A1CF: variants seen among roughly 807,000 people sequenced by gnomAD.
A1CF encodes the protein APOBEC1 complementation factor.
A1CF carries 48 observed loss-of-function variants against 68.9 expected under a neutral mutation model. That is an observed-to-expected ratio of 0.70 (90% CI 0.55 to 0.89). The LOEUF (loss-of-function observed/expected upper bound fraction) is 0.89. Ranked by LOEUF, A1CF falls within the 40% of genes least tolerant of loss-of-function variation. The probability of loss-of-function intolerance (pLI) is 0.00; values close to 1 mark genes in which losing one functional copy is unlikely to be tolerated. For synonymous variants in A1CF, 272 were observed against 260.4 expected (o/e 1.04, Z -0.43); for missense variants, 653 against 718.9 (o/e 0.91, Z 1.05).
chr10:50,829,261 A>G (rs1338466304), intron 6 of A1CF, among the ~76,000 whole-genome samples: 1 of 152,014 alleles, frequency 6.6e-6, no homozygotes, highest in Admixed American at 6.6e-5. Context: ...CTCTGCTCCT[A>G]TACCCCTACG....
At chr10:50,829,590 C>T (rs1337322140) in intron 6 of A1CF, among the ~76,000 whole-genome samples, 2 of 152,142 alleles carry the variant, frequency 1.3e-5, no homozygotes, top group African/African-American at 2.4e-5. Context: ...AGATAACTGA[C>T]CCTGGAGAAG....
At chr10:50,875,474 T>C (rs1841468000) in intron 1 of A1CF, among the ~76,000 whole-genome samples, 1 of 152,154 alleles carries the variant, frequency 6.6e-6, no homozygotes, top group Non-Finnish European at 1.5e-5. Context: ...GGAAATCTCT[T>C]AGGAGAAAGG....
chr10:50,833,483 A>G (rs1043925328), intron 6 of A1CF, among the ~76,000 whole-genome samples: 1 of 152,174 alleles, frequency 6.6e-6, no homozygotes, highest in African/African-American at 2.4e-5. Context: ...TAAAGGTGAG[A>G]TTTCTCAAGG....
chr10:50,809,400 A>G (rs948496849), intron 12 of A1CF, among the ~76,000 whole-genome samples: 12 of 152,304 alleles, frequency 7.9e-5, no homozygotes, highest in African/African-American at 2.6e-4. Flanking sequence ...CTGAAAAGCT[A>G]ATTGCCAGTG....
At chr10:50,843,953 C>A (rs369619233) in intron 4 of A1CF, 35 bp downstream of exon 4, 1 of 1,610,036 alleles carries the variant, frequency 6.2e-7, no homozygotes, top group Admixed American at 1.7e-5. Context: ...TTCCCTTGAA[C>A]GATAAGAAAA....
rs562012605 is a variant in A1CF, at chr10:50,800,845, A to T, written c.*5884T>A. The T allele has an allele frequency of 1.3e-5, 2 of 152,338 alleles. No individual in the cohort carries two copies. Among genetic ancestry groups the T allele is most frequent in the Non-Finnish European group, 2.9e-5 (2 of 68,028 alleles). 9.4% of individuals were successfully genotyped at this position (152,338 alleles called of 1,614,324 possible). A position where few individuals can be genotyped will look rare whatever the true frequency, so the allele number is the denominator to read the frequency against. On this transcript the variant is annotated 3_prime_UTR_variant, in exon 13 of 13. Coordinates refer to ENST00000373997, the MANE Select transcript of A1CF (RefSeq NM_014576.4). ...GAATGGTTGATGAACAATCATAATG[A>T]TGAAATCAAATGCAAGGGAATTAGT...
rs955673906 is a variant in A1CF at position 50,801,268 on chromosome 10, C to T, written c.*5461G>A. 3 of 152,154 alleles carry T rather than the reference C, an allele frequency of 2.0e-5. No individual in the cohort carries two copies. Among genetic ancestry groups the T allele is most frequent in the African/African-American group, 7.2e-5 (3 of 41,430 alleles). 9.4% of individuals were successfully genotyped at this position (152,154 alleles called of 1,614,324 possible). A position where few individuals can be genotyped will look rare whatever the true frequency, so the allele number is the denominator to read the frequency against. ...CCATTCTTCTCTGTTTACTATGACC[C>T]TGCTCAGTCAGAAAGAAGTAGCTAG... On this transcript the variant is annotated 3_prime_UTR_variant, in exon 13 of 13. Coordinates refer to ENST00000373997, the MANE Select transcript of A1CF (RefSeq NM_014576.4).
chr10:50,860,123 C>T (rs924574498), intron 2 of A1CF, 138 bp from the exon 3 acceptor site: 7 of 570,218 alleles, frequency 1.2e-5, no homozygotes, highest in African/African-American at 1.1e-4. Flanking sequence ...TACATACAAA[C>T]AAGGCTGTGT....
chr10:50,834,739 G>T (rs1260478512), intron 6 of A1CF, among the ~76,000 whole-genome samples: 2 of 152,156 alleles, frequency 1.3e-5, no homozygotes, highest in African/African-American at 4.8e-5. Flanking sequence ...CATTAATCTG[G>T]TGGTAATGTT....
chr10:50,870,169 TC>T (rs1448168993), intron 1 of A1CF, among the ~76,000 whole-genome samples: 3 of 151,956 alleles, frequency 2.0e-5, no homozygotes, highest in African/African-American at 7.2e-5. Flanking sequence ...AACATTAAAA[TC>T]ATTTTCTCTA....
intron 8 of A1CF, among the ~76,000 whole-genome samples, chr10:50,817,215 T>G (rs1301439474): frequency 6.6e-6 from 1 of 152,184 alleles, no homozygotes; most frequent in African/African-American, 2.4e-5. Flanking sequence ...AGGAACAAAG[T>G]ATTGTCTGAA....
chr10:50,840,578 A>G (rs1164900784), intron 5 of A1CF, among the ~76,000 whole-genome samples: 3 of 152,230 alleles, frequency 2.0e-5, no homozygotes, highest in Non-Finnish European at 4.4e-5. Context: ...AGACAATTTC[A>G]TGATGTCAGT....
Position 50,871,325 on chromosome 10 carries a change from C to A in A1CF, c.-93-7245G>T, listed in dbSNP as rs377411034. Among the ~76,000 whole-genome samples, 84 of 151,628 alleles carry A rather than the reference C, an allele frequency of 5.5e-4. 1 individual carries two copies. Among genetic ancestry groups the A allele is most frequent in the African/African-American group, 2.0e-3 (81 of 41,428 alleles). On this transcript the variant is annotated intron_variant, in intron 1 of 12. Coordinates refer to ENST00000373997, the MANE Select transcript of A1CF (RefSeq NM_014576.4). ...AAACATAAAAGTTGAATAAACTTAA[C>A]GAGAAAAGTTTAAAACCTATATAAA...
chr10:50,815,227 AAGAC>A (rs1838308791), intron 9 of A1CF, among the ~76,000 whole-genome samples: 2 of 152,334 alleles, frequency 1.3e-5, no homozygotes, highest in South Asian at 4.2e-4. Context: ...AGGAGCCAAA[AAGAC>A]AGGGACAAGC....
At position 50,816,215 on chromosome 10, in the gene A1CF, C is replaced by G; in HGVS notation, c.932G>C (p.Arg311Thr). 3 of 1,613,736 alleles carry G rather than the reference C, an allele frequency of 1.9e-6. No individual in the cohort carries two copies. Among genetic ancestry groups the G allele is most frequent in the Non-Finnish European group, 2.5e-6 (3 of 1,179,832 alleles). Residue 311 changes from arginine (R) to threonine (T), a missense_variant, in exon 9 of 13, where the codon AGG (arginine) becomes ACG (threonine). Arg to Thr is a moderately conservative substitution (Grantham distance 71). Transcript: ENST00000373997. Reference sequence around the variant, plus strand: ...CCTTCCACCTGTGCCTCGGGTATACCTAACATAACTGTCCTTGTCCACTGG... The same window carrying G: ...CCTTCCACCTGTGCCTCGGGTATACGTAACATAACTGTCCTTGTCCACTGG... Reference protein sequence around the residue: ...AKPVDKDSYVRYTRGTGGRGT... With the variant: ...AKPVDKDSYVTYTRGTGGRGT...
At chr10:50,833,601 A>C (rs947959864) in intron 6 of A1CF, among the ~76,000 whole-genome samples, 2 of 152,110 alleles carry the variant, frequency 1.3e-5, no homozygotes, top group South Asian at 4.1e-4. Flanking sequence ...AAGAAAGAAA[A>C]GTTTCTTGTT....
chr10:50,808,806 A>G (rs1837954776), intron 12 of A1CF, among the ~76,000 whole-genome samples: 1 of 152,078 alleles, frequency 6.6e-6, no homozygotes, highest in South Asian at 2.1e-4. Context: ...ACCAAAAAAC[A>G]CTACTGAGAA....
At chr10:50,850,652 A>T in intron 3 of A1CF, 1 of 1,613,902 alleles carries the variant, frequency 6.2e-7, no homozygotes, top group Non-Finnish European at 8.5e-7. Context: ...CACTTCTAAG[A>T]CCCTCTGCTT....
chr10:50,836,476 G>A (rs1839499645), intron 5 of A1CF, among the ~76,000 whole-genome samples, 164 bp from the exon 6 acceptor site: 1 of 152,144 alleles, frequency 6.6e-6, no homozygotes, highest in South Asian at 2.1e-4. Context: ...ATTATTAGAT[G>A]TGTCAACATG....
Sources: gnomAD v4.1 joint callset for allele counts (sites outside exome capture counted in the v4.1 genomes callset) on GRCh38, gnomAD v4.1.1 for gene constraint, MANE v1.5 for transcripts, NCBI Gene and HGNC (gene_info 2026-07-23, HGNC 2026-07-21) for gene names.